The following ASTN2 variants were observed in gnomAD, a reference collection of about 807,000 sequenced individuals.
The protein encoded by ASTN2 is astrotactin-2.
Under a neutral mutation model 139.8 loss-of-function variants are expected in ASTN2, and 54 were observed. That is an observed-to-expected ratio of 0.39 (90% CI 0.31 to 0.48). The LOEUF is 0.48. Ranked by LOEUF, ASTN2 falls within the 20% of genes least tolerant of loss-of-function variation. The pLI, the probability that ASTN2 is intolerant of heterozygous loss-of-function variation, is 0.95. For synonymous variants in ASTN2, 756 were observed against 719.5 expected, an observed-to-expected ratio of 1.05 and a Z score of -0.81; for missense variants, 1,565 against 1,725.1, an observed-to-expected ratio of 0.91 and a Z score of 1.64.
intron 1 of ASTN2, among the ~76,000 whole-genome samples, chr9:117,303,343 T>C (rs1029571889): frequency 1.3e-5 from 2 of 152,074 alleles, no homozygotes; most frequent in African/African-American, 2.4e-5. Flanking sequence ...ATTTCACAGA[T>C]TGGAATACTG....
At chr9:116,565,506 C>T (rs1853186684) in intron 19 of ASTN2, among the ~76,000 whole-genome samples, 1 of 149,062 alleles carries the variant, frequency 6.7e-6, no homozygotes. Context: ...CGGCTCACTG[C>T]AACCTCCAGT....
intron 2 of ASTN2, among the ~76,000 whole-genome samples, chr9:117,258,902 G>A (rs763629181): frequency 2.6e-5 from 4 of 152,086 alleles, no homozygotes; most frequent in East Asian, 3.9e-4. Flanking sequence ...GATAGGGATC[G>A]TCTATTTCAC....
chr9:116,747,330 TG>T (rs1337880379), intron 13 of ASTN2, among the ~76,000 whole-genome samples: 1 of 152,218 alleles, frequency 6.6e-6, no homozygotes, highest in Non-Finnish European at 1.5e-5. Flanking sequence ...TGCAAAAATA[TG>T]CTGGTGAATG....
rs148437184 is a variant in ASTN2, at chr9:117,385,059, T to C, written c.442+29438A>G. Among the ~76,000 whole-genome samples the C allele has an allele frequency of 3.5e-3, 531 of 152,286 alleles. 3 individuals are homozygous for C. Among genetic ancestry groups the C allele is most frequent in the African/African-American group, 0.012 (516 of 41,548 alleles). Reference sequence around the variant, plus strand: ...TAATGATGAACTCCACTATATATAGTATCGAAGTTTTTGATGCTTTCTGGA... The same window carrying C: ...TAATGATGAACTCCACTATATATAGCATCGAAGTTTTTGATGCTTTCTGGA... On this transcript the variant is annotated intron_variant, in intron 1 of 22. Transcript: ENST00000313400.
At chr9:116,487,002 T>TA (rs1849362077) in intron 20 of ASTN2, among the ~76,000 whole-genome samples, 1 of 152,272 alleles carries the variant, frequency 6.6e-6, no homozygotes, top group African/African-American at 2.4e-5. Context: ...GAAGAAAGGA[T>TA]ACAAGAGGTA....
chr9:116,698,337 C>G lies in ASTN2; in HGVS notation c.2806+27434G>C. On this transcript the variant is annotated intron_variant, in intron 16 of 22. Transcript: ENST00000313400. This position sits in a 1 kb window ranked among gnomAD's most constrained non-coding sequence, Gnocchi z 4.4. The stretch of plus-strand genomic sequence containing the variant: ...TGAGGAGCGCAGGGTCCAGGATGAG[C>G]TGGCTCGCTCTCGGAAGTTCTTCAC... The G allele has an allele frequency of 6.2e-7, 1 of 1,614,162 alleles. No homozygotes were observed. The highest frequency in any genetic ancestry group is 8.5e-7 in the Non-Finnish European group (1 of 1,180,040).
rs1435041653 is a variant in ASTN2 at position 117,246,011 on chromosome 9, A to G, written c.631-31269T>C. ...CTTCATGATGACAAAGACCACGTCT[A>G]CTTGCTTACAACTATGTCCCTGATG... On this transcript the variant is annotated intron_variant, in intron 2 of 22. Transcript: ENST00000313400. Among the ~76,000 whole-genome samples the G allele has an allele frequency of 2.0e-5, 3 of 152,202 alleles. No individual in the cohort carries two copies. The East Asian group carries it at 5.8e-4, about 29-fold the overall frequency.
intron 19 of ASTN2, among the ~76,000 whole-genome samples, chr9:116,495,967 C>G (rs1849656482): frequency 1.3e-5 from 2 of 152,114 alleles, no homozygotes; most frequent in East Asian, 3.9e-4. Context: ...ATACTCCCAC[C>G]ACAGGGCTTT....
chr9:116,964,216 G>GGGGT (rs1361325702), intron 10 of ASTN2, among the ~76,000 whole-genome samples: 2,977 of 140,696 alleles, frequency 0.021, 46 homozygotes, highest in South Asian at 0.035. Flanking sequence ...ACTGCCCTGG[G>GGGGT]GTGTGTGTGT....
At chr9:117,070,137 G>T (rs1828074541) in intron 5 of ASTN2, among the ~76,000 whole-genome samples, 1 of 138,376 alleles carries the variant, frequency 7.2e-6, no homozygotes, top group African/African-American at 2.7e-5. Flanking sequence ...TGATTTTGCA[G>T]CGGCTGGTAC....
chr9:116,547,592 G>C (rs1852153879), intron 19 of ASTN2: 1 of 152,208 alleles, frequency 6.6e-6, no homozygotes, highest in Admixed American at 6.5e-5. Flanking sequence ...CCTTATCTGT[G>C]AAGTGGGCAA....
At chr9:117,335,330 T>C (rs1347687542) in intron 1 of ASTN2, among the ~76,000 whole-genome samples, 1 of 152,210 alleles carries the variant, frequency 6.6e-6, no homozygotes, top group Admixed American at 6.5e-5. Context: ...CAAATTGCTA[T>C]GACTTTCTGA....
chr9:117,177,375 A>G (rs895668659), intron 3 of ASTN2, among the ~76,000 whole-genome samples: 1 of 152,118 alleles, frequency 6.6e-6, no homozygotes, highest in African/African-American at 2.4e-5. Context: ...TGAAGTGGAG[A>G]AACCTGGAAC....
chr9:116,464,904 T>A (rs1158297655), intron 20 of ASTN2, among the ~76,000 whole-genome samples: 1 of 152,226 alleles, frequency 6.6e-6, no homozygotes, highest in Non-Finnish European at 1.5e-5. Context: ...ATGTCTATTT[T>A]CCTAAGAAAC....
intron 1 of ASTN2, among the ~76,000 whole-genome samples, chr9:117,301,296 A>G (rs1431117231): frequency 6.6e-6 from 1 of 152,116 alleles, no homozygotes; most frequent in African/African-American, 2.4e-5. Flanking sequence ...GAGTTTTTCT[A>G]CTTCTTCTTC....
At chr9:116,964,158 A>G (rs922476203) in intron 10 of ASTN2, among the ~76,000 whole-genome samples, 1 of 152,096 alleles carries the variant, frequency 6.6e-6, no homozygotes, top group African/African-American at 2.4e-5. Context: ...CCTAAGGTAC[A>G]GATCAATTAA....
chr9:117,342,305 T>C (rs1345450360), intron 1 of ASTN2, among the ~76,000 whole-genome samples: 1 of 152,188 alleles, frequency 6.6e-6, no homozygotes, highest in Non-Finnish European at 1.5e-5. Flanking sequence ...GGCATGCCAC[T>C]TAGCCTCACT....
chr9:116,596,600 A>G (rs1588053204), intron 19 of ASTN2, among the ~76,000 whole-genome samples: 1 of 152,346 alleles, frequency 6.6e-6, no homozygotes, highest in Non-Finnish European at 1.5e-5. Flanking sequence ...CAATTTTTAT[A>G]TATCAATTAT....
intron 13 of ASTN2, among the ~76,000 whole-genome samples, chr9:116,794,243 C>T (rs571283892): frequency 6.6e-5 from 10 of 152,006 alleles, no homozygotes; most frequent in Non-Finnish European, 1.0e-4. Flanking sequence ...GGATTACAGG[C>T]AGGCGCCACC....
Sources: allele counts gnomAD v4.1 joint callset (sites outside exome capture counted in the v4.1 genomes callset), GRCh38; gene constraint gnomAD v4.1.1; non-coding constraint Gnocchi (gnomAD v3.1); transcripts MANE v1.5; gene names NCBI Gene and HGNC (gene_info 2026-07-23, HGNC 2026-07-21).